Variants in SLC26A5 observed in about 807,000 individuals in gnomAD.
SLC26A5 encodes the protein prestin.
Under a neutral mutation model 81.0 loss-of-function variants are expected in SLC26A5, and 51 were observed. The ratio of observed to expected loss-of-function variants is 0.63; its 90% CI spans 0.50 to 0.80. The LOEUF (loss-of-function observed/expected upper bound fraction) is 0.80, where lower values mean the gene tolerates loss of function less well. SLC26A5 is among the 30% of genes least tolerant of loss of function. The probability of loss-of-function intolerance (pLI) is 0.00; values close to 1 mark genes in which losing one functional copy is unlikely to be tolerated. For missense variants in SLC26A5, 771 were observed against 905.8 expected (o/e 0.85, Z 1.91); for synonymous variants, 325 against 332.8 (o/e 0.98, Z 0.25).
At chr7:103,400,018 C>T (rs1437008775) in intron 8 of SLC26A5, among the ~76,000 whole-genome samples, 6 of 151,756 alleles carry the variant, frequency 4.0e-5, no homozygotes, top group African/African-American at 1.4e-4. Flanking sequence ...GTGAATAGTG[C>T]TGCAATAAAC....
intron 14 of SLC26A5, among the ~76,000 whole-genome samples, chr7:103,381,554 CCA>C (rs1055653436): frequency 1.3e-5 from 2 of 151,142 alleles, no homozygotes; most frequent in African/African-American, 4.9e-5. Flanking sequence ...ATACCTCACA[CCA>C]CACACACCCC....
downstream of SLC26A5, among the ~76,000 whole-genome samples, chr7:103,370,123 T>C (rs1053311063): frequency 5.3e-5 from 8 of 152,320 alleles, no homozygotes; most frequent in South Asian, 8.3e-4. Flanking sequence ...GTAATACTTT[T>C]ATAGTTCTCA....
At chr7:103,364,970 TATATATATATA>T (rs1820624511) in intron 19 of SLC26A5, among the ~76,000 whole-genome samples, 1 of 144,466 alleles carries the variant, frequency 6.9e-6, no homozygotes, top group Non-Finnish European at 1.5e-5. Context: ...TATATATATA[TATATATATATA>T]TATTTAGAGA....
intron 2 of SLC26A5, among the ~76,000 whole-genome samples, chr7:103,430,266 A>C (rs1172018432): frequency 6.6e-6 from 1 of 151,988 alleles, no homozygotes; most frequent in African/African-American, 2.4e-5. Context: ...TTTAGTAGAG[A>C]TGGAGTTTTA....
chr7:103,378,482 T>G lies in SLC26A5; in HGVS notation c.1749A>C (p.Gly583=), dbSNP rs1390771013. 5.6e-6 allele frequency: 9 copies of G among 1,614,176 alleles called. No homozygotes were observed. Among genetic ancestry groups the G allele is most frequent in the Non-Finnish European group, 7.6e-6 (9 of 1,180,014 alleles). The part of the protein sequence containing the change: ...KAMRKYAKEV[G]NANMANATVV... ...CAGTTGCGTTGGCCATATTTGCATT[T>G]CCGACTTCCTTAGCGTACTTCCGCA... Residue 583 remains glycine (G), a synonymous_variant, in exon 17 of 20, where the codon GGA becomes GGC. Transcript: ENST00000306312.
chr7:103,435,561 T>C (rs1438072590), intron 2 of SLC26A5, among the ~76,000 whole-genome samples: 5 of 152,164 alleles, frequency 3.3e-5, no homozygotes, highest in African/African-American at 1.2e-4. Flanking sequence ...GCTAGCCTTT[T>C]AGCCAGGGCC....
rs745995072 is a variant in SLC26A5 at position 103,380,473 on chromosome 7, G to A, written c.1584+7C>T. 1.2e-6 allele frequency: 2 copies of A among 1,611,938 alleles called. No homozygotes were observed. The highest frequency in any genetic ancestry group is 1.1e-5 in the South Asian group (1 of 91,040). ...CAACCTTTTTAAGTGATAGAAAAAG[G>A]TCCTACCTCCTCATATGCGTCTATA... On this transcript the variant is annotated splice_region_variant and intron_variant, in intron 15 of 19. Transcript: ENST00000306312.
chr7:103,444,514 A>G lies in SLC26A5; in HGVS notation c.-182-1303T>C, dbSNP rs1418432481. Among the ~76,000 whole-genome samples the G allele has an allele frequency of 4.6e-5, 7 of 152,250 alleles. No homozygotes were observed. The South Asian group carries it at 1.0e-3, about 22-fold the overall frequency. Reference sequence around the variant, plus strand: ...ACCTGCATCTACACCTCACAAGGCAATCCATTGATTGTTAGAAACTTCCTC... The same window carrying G: ...ACCTGCATCTACACCTCACAAGGCAGTCCATTGATTGTTAGAAACTTCCTC... On this transcript the variant is annotated intron_variant, in intron 1 of 19. Transcript: ENST00000306312.
In SLC26A5 at chr7:103,360,947, A is replaced by T. The variant is rs532091958; in HGVS notation, c.2042-8021T>A. ...GCCAACATGGTGAAACCCCGTATATATTAAAAATACAAAACAATTAGCCGG... is the reference window on the plus strand; with the variant it reads ...GCCAACATGGTGAAACCCCGTATATTTTAAAAATACAAAACAATTAGCCGG... On this transcript the variant is annotated intron_variant, in intron 19 of 19. Transcript: ENST00000339444. Among the ~76,000 whole-genome samples, 7 of 152,124 alleles carry T rather than the reference A, an allele frequency of 4.6e-5. No homozygotes were observed. In the East Asian group the frequency reaches 1.4e-3, roughly 30 times the overall value.
intron 2 of SLC26A5, among the ~76,000 whole-genome samples, chr7:103,429,359 T>C (rs1825907148): frequency 6.6e-6 from 1 of 152,258 alleles, no homozygotes; most frequent in Admixed American, 6.5e-5. Context: ...CCAAGCTTAC[T>C]ACGTCTTTCA....
chr7:103,421,778 A>C (rs1825372249), intron 2 of SLC26A5, among the ~76,000 whole-genome samples: 1 of 152,222 alleles, frequency 6.6e-6, no homozygotes, highest in South Asian at 2.1e-4. Flanking sequence ...CAGAGTAATA[A>C]ATGGTTAATG....
chr7:103,378,487 C>A lies in SLC26A5; in HGVS notation c.1744G>T (p.Val582Phe). 1 of 1,614,170 alleles carries A rather than the reference C, an allele frequency of 6.2e-7. No homozygotes were observed. Among genetic ancestry groups the A allele is most frequent in the Non-Finnish European group, 8.5e-7 (1 of 1,180,002 alleles). The change falls in exon 17 of 20, where the codon GTC becomes TTC. Residue 582 changes from valine to phenylalanine, a missense_variant. Coordinates refer to ENST00000306312, the MANE Select transcript of SLC26A5 (RefSeq NM_198999.3). ...RKAMRKYAKEVGNANMANATV... is the reference protein window; with the variant it reads ...RKAMRKYAKEFGNANMANATV... Reference sequence around the variant, plus strand: ...GCGTTGGCCATATTTGCATTTCCGACTTCCTTAGCGTACTTCCGCATGGCC... The same window carrying A: ...GCGTTGGCCATATTTGCATTTCCGAATTCCTTAGCGTACTTCCGCATGGCC...
intron 4 of SLC26A5, among the ~76,000 whole-genome samples, chr7:103,414,628 A>C (rs1824768400): frequency 6.6e-6 from 1 of 152,054 alleles, no homozygotes; most frequent in Admixed American, 6.5e-5. Flanking sequence ...TGAATATTTC[A>C]TTGTTTGGAT....
intron 12 of SLC26A5, 109 bp downstream of exon 12, chr7:103,390,320 G>T: frequency 3.9e-6 from 4 of 1,017,490 alleles, no homozygotes; most frequent in African/African-American, 1.6e-5. Context: ...ATACCATCCT[G>T]TGAGGGTTAC....
At chr7:103,422,584 G>C (rs1421364047) in intron 2 of SLC26A5, among the ~76,000 whole-genome samples, 1 of 152,056 alleles carries the variant, frequency 6.6e-6, no homozygotes. Context: ...CTAGAGAGAG[G>C]GAAATGAGAC....
chr7:103,374,663 A>T (rs1047934125), intron 19 of SLC26A5, 71 bp from the exon 20 acceptor site: 2 of 1,254,086 alleles, frequency 1.6e-6, no homozygotes, highest in East Asian at 2.4e-5. Flanking sequence ...AAAAAGTAAC[A>T]CTTCCATATA....
At position 103,367,068 on chromosome 7, in the gene SLC26A5, G is replaced by C. The variant is rs1383324896; in HGVS notation, c.2041+9740C>G. Among the ~76,000 whole-genome samples the C allele has an allele frequency of 2.0e-5, 3 of 152,132 alleles. No individual in the cohort carries two copies. The highest frequency in any genetic ancestry group is 4.4e-5 in the Non-Finnish European group (3 of 68,020). The stretch of plus-strand genomic sequence containing the variant: ...TATTTTAACTAATCTCTGAGCCTCA[G>C]TTTGCTCATCTTATAAAGGGAATAA... On this transcript the variant is annotated intron_variant, in intron 19 of 19. Coordinates refer to the SLC26A5 transcript ENST00000339444. The surrounding 1 kb of genome is among the most constrained non-coding windows in gnomAD (Gnocchi z 6.1).
intron 18 of SLC26A5, 49 bp downstream of exon 18, chr7:103,377,550 C>G (rs145549399): frequency 6.6e-7 from 1 of 1,510,806 alleles, no homozygotes; most frequent in African/African-American, 1.4e-5. Context: ...GCTGATAGTA[C>G]GACACCAGGC....
rs777190989 is a variant in SLC26A5, at chr7:103,421,354, G to T, written c.152+9C>A. On this transcript the variant is annotated intron_variant, in intron 3 of 19. Transcript: ENST00000306312. ...TACAATAACAGAAACAGGTTAAAAG[G>T]CAACGTACGTGAATGCCTGTTTCAG... The T allele has an allele frequency of 2.5e-6, 4 of 1,613,918 alleles. No individual in the cohort carries two copies. Among genetic ancestry groups the T allele is most frequent in the Non-Finnish European group, 3.4e-6 (4 of 1,179,908 alleles).
Sources: allele counts gnomAD v4.1 joint callset (sites outside exome capture counted in the v4.1 genomes callset), GRCh38; gene constraint gnomAD v4.1.1; non-coding constraint Gnocchi (gnomAD v3.1); transcripts MANE v1.5; gene names NCBI Gene and HGNC (gene_info 2026-07-23, HGNC 2026-07-21).